The following COL18A1 variants were observed in gnomAD, a reference collection of about 807,000 sequenced individuals.
COL18A1 encodes collagen alpha-1(XVIII) chain.
In COL18A1, 133 loss-of-function variants were observed where a neutral mutation model predicts 168.0. The observed-to-expected ratio is 0.79, with a 90% CI of 0.69 to 0.91. COL18A1 has a LOEUF of 0.91. Ranked by LOEUF, COL18A1 falls within the 40% of genes least tolerant of loss-of-function variation. The pLI, the probability that COL18A1 is intolerant of heterozygous loss-of-function variation, is 0.00. For synonymous variants in COL18A1, 949 were observed against 809.0 expected (o/e 1.17, Z -2.94); for missense variants, 2,126 against 1,925.4 (o/e 1.10, Z -1.95).
At chr21:45,428,929 A>T (rs2033881579) in intron 2 of COL18A1, among the ~76,000 whole-genome samples, 1 of 143,356 alleles carries the variant, frequency 7.0e-6, no homozygotes, top group African/African-American at 2.6e-5. Flanking sequence ...TTTGAGACGG[A>T]GTCTTGCTCT....
intron 2 of COL18A1, chr21:45,455,398 TG>T (rs1314801836): frequency 8.6e-6 from 11 of 1,275,428 alleles, no homozygotes; most frequent in South Asian, 7.7e-5. Context: ...TCTGCAAGAG[TG>T]GGGGGTGGAA....
intron 9 of COL18A1, among the ~76,000 whole-genome samples, chr21:45,479,232 G>C (rs2035795792): frequency 6.6e-6 from 1 of 151,964 alleles, no homozygotes. Context: ...TGCACACACA[G>C]CACATATCAC....
Position 45,462,823 on chromosome 21 carries a change from TGTGTTAAAAA to T in COL18A1, c.107-5415_107-5406del, listed in dbSNP as rs555275276. 3.9e-5 allele frequency among the ~76,000 whole-genome samples: 6 copies of T among 152,372 alleles called. No individual in the cohort carries two copies. The South Asian group carries it at 1.2e-3, about 32-fold the overall frequency. On this transcript the variant is annotated intron_variant, in intron 2 of 41. Coordinates refer to ENST00000651438, the MANE Select transcript of COL18A1 (RefSeq NM_001379500.1). ...TATTGCTTTGTGTGCCTTGTGATTT[TGTGTTAAAAA>T]GTGAACATTTGAACTCAGTAATGTG...
At chr21:45,474,250 AGT>A (rs540917328) in intron 4 of COL18A1, among the ~76,000 whole-genome samples, 1 of 151,056 alleles carries the variant, frequency 6.6e-6, no homozygotes, top group Non-Finnish European at 1.5e-5. Context: ...AGCTCAGCAA[AGT>A]GTGTGTGTGT....
chr21:45,479,306 CCA>C (rs997120744), intron 9 of COL18A1, among the ~76,000 whole-genome samples: 7 of 151,862 alleles, frequency 4.6e-5, no homozygotes, highest in East Asian at 1.9e-4. Flanking sequence ...TGTGCACACA[CCA>C]CACATTACAC....
chr21:45,511,345 C>G (rs533463430), intron 41 of COL18A1, 119 bp downstream of exon 41: 1 of 692,514 alleles, frequency 1.4e-6, no homozygotes, highest in Non-Finnish European at 2.7e-6. Context: ...ATGCTCATTA[C>G]TTTAAAATTA....
intron 9 of COL18A1, among the ~76,000 whole-genome samples, chr21:45,478,646 G>A (rs2035768691): frequency 6.6e-6 from 1 of 152,056 alleles, no homozygotes; most frequent in African/African-American, 2.4e-5. Flanking sequence ...CAAAGAAAAA[G>A]GAAGTCGGGC....
Position 45,485,149 on chromosome 21 carries a change from A to ATTTT in COL18A1, c.1702-1684_1702-1681dup, listed in dbSNP as rs751718038. Among the ~76,000 whole-genome samples the ATTTT allele has an allele frequency of 1.3e-3, 71 of 55,080 alleles. 6 individuals carry two copies. Among genetic ancestry groups the ATTTT allele is most frequent in the African/African-American group, 4.6e-3 (58 of 12,512 alleles). The allele number at this position is 55,080 out of a possible 152,430, so 36.1% of individuals were successfully genotyped here. On this transcript the variant is annotated intron_variant, in intron 15 of 41. Coordinates refer to ENST00000651438, the MANE Select transcript of COL18A1 (RefSeq NM_001379500.1). ...AGGCATCTGCCACCACACCTGGCTA[A>ATTTT]TTTTTTTTTTTTTTTTTTTTTTTTT...
Position 45,511,195 on chromosome 21 carries a change from G to A in COL18A1, c.3778G>A (p.Asp1260Asn), listed in dbSNP as rs12483377. The A allele has an allele frequency of 0.078, 124,702 of 1,592,926 alleles. 5,341 individuals carry two copies. Among genetic ancestry groups the A allele is most frequent in the Non-Finnish European group, 0.088 (102,986 of 1,168,672 alleles). The stretch of plus-strand genomic sequence containing the variant: ...GCCCGGGGCACGCATCTTCTCCTTT[G>A]ACGGCAAGGACGTCCTGAGGCACCC... ...LKPGARIFSFDGKDVLRHPTW... is the reference protein window; with the variant it reads ...LKPGARIFSFNGKDVLRHPTW... Residue 1260 changes from aspartate to asparagine, a missense_variant, in exon 41 of 42, where the codon GAC (aspartate) becomes AAC (asparagine). Asp to Asn is a conservative substitution (Grantham distance 23). Coordinates refer to ENST00000651438, the MANE Select transcript of COL18A1 (RefSeq NM_001379500.1).
chr21:45,509,459 C>T lies in COL18A1; in HGVS notation c.3353C>T (p.Ala1118Val), dbSNP rs2037441588. 3.3e-6 allele frequency: 5 copies of T among 1,532,508 alleles called. No individual in the cohort carries two copies. The East Asian group carries it at 7.3e-5, about 22-fold the overall frequency. 94.9% of individuals were successfully genotyped at this position (1,532,508 alleles called of 1,614,324 possible). A position where few individuals can be genotyped will look rare whatever the true frequency, so the allele number is the denominator to read the frequency against. ...CACCCCACCGCGCGGCCCTGGCGGG[C>T]AGATGACATCCTGGCCAGCCCCCCT... Reference protein sequence around the residue: ...HPHPTARPWRADDILASPPRL... With the variant: ...HPHPTARPWRVDDILASPPRL... Residue 1118 changes from alanine (A) to valine (V), a missense_variant, in exon 39 of 42, where the codon GCA (alanine) becomes GTA (valine). Coordinates refer to ENST00000651438, the MANE Select transcript of COL18A1 (RefSeq NM_001379500.1).
chr21:45,455,490 G>A (rs2034766267), intron 2 of COL18A1: 1 of 1,607,768 alleles, frequency 6.2e-7, no homozygotes, highest in Non-Finnish European at 8.5e-7. Flanking sequence ...TCCAGGCACA[G>A]AGGCCCTCCC....
intron 2 of COL18A1, among the ~76,000 whole-genome samples, chr21:45,417,942 G>T (rs2033493214): frequency 6.6e-6 from 1 of 152,250 alleles, no homozygotes; most frequent in South Asian, 2.1e-4. Context: ...TGTGTCTCCG[G>T]CCTCTTCCAT....
chr21:45,446,275 A>C (rs1169511740), intron 2 of COL18A1, among the ~76,000 whole-genome samples: 1 of 152,166 alleles, frequency 6.6e-6, no homozygotes, highest in Non-Finnish European at 1.5e-5. Context: ...GTTCCACTGC[A>C]CCGATGCGTG....
chr21:45,455,454 A>C, intron 2 of COL18A1: 1 of 1,590,442 alleles, frequency 6.3e-7, no homozygotes, highest in Non-Finnish European at 8.5e-7. Flanking sequence ...GGAGGGCAGG[A>C]GGGCGTGAGC....
intron 2 of COL18A1, among the ~76,000 whole-genome samples, chr21:45,453,791 G>A (rs1172068317): frequency 1.3e-5 from 2 of 152,188 alleles, no homozygotes; most frequent in Admixed American, 6.5e-5. Flanking sequence ...TGGCCCCGAG[G>A]GCCGGAGCTG....
intron 2 of COL18A1, chr21:45,420,988 A>C (rs1343853005): frequency 6.0e-6 from 1 of 165,670 alleles, no homozygotes; most frequent in African/African-American, 2.4e-5. Flanking sequence ...CCTCTGTCCC[A>C]GGAGGGTGTG....
At position 45,482,704 on chromosome 21, in the gene COL18A1, C is replaced by T. The variant is rs138481058; in HGVS notation, c.1675-91C>T. The T allele has an allele frequency of 2.9e-4, 462 of 1,592,136 alleles. 2 individuals are homozygous for T. The highest frequency in any genetic ancestry group is 2.5e-3 in the East Asian group (111 of 44,614). On this transcript the variant is annotated intron_variant, in intron 14 of 41. Transcript: ENST00000651438. ...CAGGCAGCAAAGCAGGGACCCGGGT[C>T]GGGGCACAGTTCCTGGCAGGGCGAT...
At chr21:45,475,363 CGA>C (rs2035609916) in intron 4 of COL18A1, 111 bp from the exon 5 acceptor site, 1 of 975,166 alleles carries the variant, frequency 1.0e-6, no homozygotes, top group African/African-American at 1.6e-5. Context: ...CTGGACGAGG[CGA>C]GAGGGGGCCT....
intron 34 of COL18A1, 32 bp downstream of exon 34, chr21:45,504,588 G>A: frequency 6.4e-7 from 1 of 1,551,326 alleles, no homozygotes; most frequent in South Asian, 1.2e-5. Context: ...CAGAGCCCAT[G>A]TCCCAGGGGT....
Sources: allele counts gnomAD v4.1 joint callset (sites outside exome capture counted in the v4.1 genomes callset), GRCh38; gene constraint gnomAD v4.1.1; transcripts MANE v1.5; gene names NCBI Gene and HGNC (gene_info 2026-07-23, HGNC 2026-07-21).